Variants in ANTXR1 observed in about 807,000 individuals in gnomAD.
ANTXR1 encodes ANTXR cell adhesion molecule 1, also known as anthrax toxin receptor 1.
In ANTXR1, 19 loss-of-function variants were observed where a neutral mutation model predicts 78.1. The observed-to-expected ratio is 0.24, with a 90% confidence interval of 0.17 to 0.36. The LOEUF is 0.36. Ranked by LOEUF, ANTXR1 falls within the 10% of genes least tolerant of loss-of-function variation. The probability of loss-of-function intolerance (pLI) is 1.00; values close to 1 mark genes in which losing one functional copy is unlikely to be tolerated. For synonymous variants in ANTXR1, 273 were observed against 260.5 expected (o/e 1.05, Z -0.46); for missense variants, 518 against 718.6 (o/e 0.72, Z 3.19).
At chr2:69,229,738 T>G (rs1306584543) in intron 17 of ANTXR1, among the ~76,000 whole-genome samples, 5 of 151,778 alleles carry the variant, frequency 3.3e-5, no homozygotes, top group South Asian at 2.1e-4. Flanking sequence ...ATGGTGGTTT[T>G]TTTTTTTTTT....
chr2:69,094,655 T>C (rs10203421), intron 9 of ANTXR1, among the ~76,000 whole-genome samples: 33,653 of 152,118 alleles, frequency 0.22, 4,480 homozygotes, highest in African/African-American at 0.38. Context: ...ATTGCATTCC[T>C]CTAAGACAGT....
rs1407822255 is a variant in ANTXR1, at chr2:69,155,936, G to T, written c.1047+3672G>T. Among the ~76,000 whole-genome samples, 3 of 152,086 alleles carry T rather than the reference G, an allele frequency of 2.0e-5. No homozygotes were observed. The East Asian group carries it at 5.8e-4, about 29-fold the overall frequency. On this transcript the variant is annotated intron_variant, in intron 13 of 17. Coordinates refer to ENST00000303714, the MANE Select transcript of ANTXR1 (RefSeq NM_032208.3). ...GAGTATCGAAGAAATCCCTGTTGGG[G>T]CTCTCAGTTTCATGACTCCATGTTG...
At chr2:69,124,071 T>C (rs1672446957) in intron 11 of ANTXR1, among the ~76,000 whole-genome samples, 1 of 152,176 alleles carries the variant, frequency 6.6e-6, no homozygotes, top group Non-Finnish European at 1.5e-5. Context: ...TGGGAAGAGA[T>C]GGAAGACAAA....
chr2:69,225,513 A>G (rs775023711), intron 17 of ANTXR1, among the ~76,000 whole-genome samples: 12 of 152,182 alleles, frequency 7.9e-5, no homozygotes, highest in Non-Finnish European at 1.5e-4. Flanking sequence ...TTAAAAATAC[A>G]TATATCAGAC....
intron 10 of ANTXR1, among the ~76,000 whole-genome samples, chr2:69,106,228 C>G (rs377321180): frequency 8.5e-5 from 13 of 152,222 alleles, no homozygotes; most frequent in African/African-American, 2.9e-4. Context: ...ATACATGCTT[C>G]TCTCCCAATT....
At chr2:69,049,789 A>T (rs1229717348) in intron 3 of ANTXR1, among the ~76,000 whole-genome samples, 4 of 152,152 alleles carry the variant, frequency 2.6e-5, no homozygotes, top group Non-Finnish European at 5.9e-5. Flanking sequence ...TTCAGACTTT[A>T]ATTCCCAATT....
In ANTXR1 at chr2:69,013,742, G is replaced by A; in HGVS notation, c.152+91G>A. 6.5e-7 allele frequency: 1 copy of A among 1,545,930 alleles called. No individual in the cohort carries two copies. The highest frequency in any genetic ancestry group is 1.2e-5 in the South Asian group (1 of 83,782). ...GGGCTCGTTGGCAGGGTCGCCTGGG[G>A]ACAGGAGCGCATCTCCAGGGCCACA... On this transcript the variant is annotated intron_variant, in intron 1 of 17. Transcript: ENST00000303714. This position sits in a 1 kb window ranked among gnomAD's most constrained non-coding sequence, Gnocchi z 5.0.
chr2:69,187,333 C>A (rs903748564), intron 16 of ANTXR1, among the ~76,000 whole-genome samples: 19 of 152,136 alleles, frequency 1.2e-4, no homozygotes, highest in African/African-American at 4.6e-4. Flanking sequence ...ATTTACAATA[C>A]CCCGTGCTTC....
At chr2:69,226,262 T>G (rs2104516035) in intron 17 of ANTXR1, among the ~76,000 whole-genome samples, 1 of 152,286 alleles carries the variant, frequency 6.6e-6, no homozygotes, top group East Asian at 1.9e-4. Flanking sequence ...TTCACAGAGT[T>G]TCTTTGGGTT....
intron 12 of ANTXR1, chr2:69,145,981 G>A (rs960582600): frequency 1.1e-5 from 11 of 985,344 alleles, no homozygotes; most frequent in African/African-American, 1.7e-5. Flanking sequence ...TTAAAAGAGA[G>A]GTCCTCATTT....
Position 69,013,510 on chromosome 2 carries a change from C to T in ANTXR1, c.11C>T (p.Ala4Val). The T allele has an allele frequency of 1.3e-6, 2 of 1,589,112 alleles. No homozygotes were observed. The highest frequency in any genetic ancestry group is 1.7e-6 in the Non-Finnish European group (2 of 1,169,848). MAT[A>V]ERRALGIGFQ... is the part of the protein sequence containing the mutation. Reference sequence around the variant, plus strand: ...CCCGGGCTGCGGGCCATGGCCACGGCGGAGCGGAGAGCCCTCGGCATCGGC... The same window carrying T: ...CCCGGGCTGCGGGCCATGGCCACGGTGGAGCGGAGAGCCCTCGGCATCGGC... Residue 4 changes from alanine to valine, a missense_variant, in exon 1 of 18, where the codon GCG (alanine) becomes GTG (valine). Physicochemically the swap from Ala to Val is moderately conservative, Grantham distance 64. This residue lies in a region of ANTXR1 where 55 missense variants were observed against 52.5 expected (regional missense o/e 1.05). Coordinates refer to ENST00000303714, the MANE Select transcript of ANTXR1 (RefSeq NM_032208.3). The surrounding 1 kb of genome is among the most constrained non-coding windows in gnomAD (Gnocchi z 5.0).
chr2:69,166,053 A>G (rs9677506), intron 13 of ANTXR1, among the ~76,000 whole-genome samples: 81,818 of 152,130 alleles, frequency 0.54, 23,011 homozygotes, highest in East Asian at 0.9. Flanking sequence ...GAGAACACGC[A>G]ATCTTTCTAC....
At chr2:69,109,507 C>T (rs112756610) in intron 10 of ANTXR1, among the ~76,000 whole-genome samples, 286 of 152,254 alleles carry the variant, frequency 1.9e-3, no homozygotes, top group Middle Eastern at 6.8e-3. Flanking sequence ...CCACAGTAGG[C>T]GAACTGAGCT....
intron 8 of ANTXR1, among the ~76,000 whole-genome samples, chr2:69,086,709 G>A (rs1178336962): frequency 6.6e-6 from 1 of 152,198 alleles, no homozygotes; most frequent in Non-Finnish European, 1.5e-5. Flanking sequence ...AGTAGCAATA[G>A]TAATGACAAA....
chr2:69,172,029 G>C (rs1367753186), intron 14 of ANTXR1, among the ~76,000 whole-genome samples: 1 of 152,166 alleles, frequency 6.6e-6, no homozygotes, highest in Admixed American at 6.5e-5. Flanking sequence ...CTATCAAAGG[G>C]ATAACTCACG....
Position 69,013,742 on chromosome 2 carries a change from G to T in ANTXR1, c.152+91G>T. ...GGGCTCGTTGGCAGGGTCGCCTGGG[G>T]ACAGGAGCGCATCTCCAGGGCCACA... On this transcript the variant is annotated intron_variant, in intron 1 of 17. Transcript: ENST00000303714. This position sits in a 1 kb window ranked among gnomAD's most constrained non-coding sequence, Gnocchi z 5.0. The T allele has an allele frequency of 6.5e-7, 1 of 1,545,930 alleles. No individual in the cohort carries two copies. Among genetic ancestry groups the T allele is most frequent in the South Asian group, 1.2e-5 (1 of 83,782 alleles).
intron 16 of ANTXR1, among the ~76,000 whole-genome samples, chr2:69,183,574 G>T (rs370102884): frequency 0.042 from 4,624 of 108,996 alleles, 253 homozygotes; most frequent in African/African-American, 0.12. Flanking sequence ...GCTAATTTTT[G>T]TTTTTTTTTT....
chr2:69,062,695 GGGA>G (rs1670282018), intron 3 of ANTXR1, among the ~76,000 whole-genome samples: 1 of 152,072 alleles, frequency 6.6e-6, no homozygotes, highest in South Asian at 2.1e-4. Context: ...TATGAAAAAT[GGGA>G]AGAAGCAGAG....
chr2:69,136,785 T>C lies in ANTXR1; in HGVS notation c.951+12142T>C, dbSNP rs372033767. Among the ~76,000 whole-genome samples, 116 of 152,074 alleles carry C rather than the reference T, an allele frequency of 7.6e-4. 1 individual carries two copies. Among genetic ancestry groups the C allele is most frequent in the African/African-American group, 2.7e-3 (112 of 41,504 alleles). ...AGGCCAAGACCAAGAAAGAACAGAA[T>C]AGAAAACAAGATAAATGGAGAGGTA... On this transcript the variant is annotated intron_variant, in intron 12 of 17. Coordinates refer to ENST00000303714, the MANE Select transcript of ANTXR1 (RefSeq NM_032208.3).
Sources: allele counts gnomAD v4.1 joint callset (sites outside exome capture counted in the v4.1 genomes callset), GRCh38; gene constraint gnomAD v4.1.1; regional missense constraint gnomAD v4.1.1; non-coding constraint Gnocchi (gnomAD v3.1); transcripts MANE v1.5; gene names NCBI Gene and HGNC (gene_info 2026-07-23, HGNC 2026-07-21).